Variants in PIK3C2G observed in about 807,000 individuals in gnomAD.
PIK3C2G encodes the protein phosphatidylinositol-4-phosphate 3-kinase catalytic subunit type 2 gamma.
Under a neutral mutation model 181.1 loss-of-function variants are expected in PIK3C2G, and 168 were observed. The observed-to-expected ratio is 0.93, with a 90% CI of 0.82 to 1.05. The LOEUF (loss-of-function observed/expected upper bound fraction) is 1.05. Among genes scored for constraint, PIK3C2G ranks in the 50% least tolerant of loss-of-function variants. PIK3C2G has a pLI of 0.00. For missense variants in PIK3C2G, 1,869 were observed against 1,732.8 expected, an observed-to-expected ratio of 1.08 and a Z score of -1.40; for synonymous variants, 573 against 592.2, an observed-to-expected ratio of 0.97 and a Z score of 0.47.
intron 19 of PIK3C2G, among the ~76,000 whole-genome samples, chr12:18,490,909 T>C (rs1940503113): frequency 6.6e-6 from 1 of 152,188 alleles, no homozygotes; most frequent in Admixed American, 6.5e-5. Flanking sequence ...AACAGAAATA[T>C]ACTCATTGAT....
At chr12:18,381,946 A>G in intron 14 of PIK3C2G, 66 bp downstream of exon 14, 1 of 938,990 alleles carries the variant, frequency 1.1e-6, no homozygotes, top group Non-Finnish European at 1.8e-6. Flanking sequence ...GTTTGTTGTC[A>G]ATTATAGAAA....
chr12:18,388,147 A>G (rs148003362), intron 14 of PIK3C2G, among the ~76,000 whole-genome samples: 2 of 152,026 alleles, frequency 1.3e-5, no homozygotes, highest in Admixed American at 6.5e-5. Context: ...AAACCACCAT[A>G]TGGATCCCTC....
the PIK3C2G span, chr12:18,693,638 G>C: frequency 6.4e-7 from 1 of 1,564,686 alleles, no homozygotes. Flanking sequence ...TGATGAAATT[G>C]ACGCCATTGG....
chr12:18,300,588 G>A (rs1385490621), intron 5 of PIK3C2G, among the ~76,000 whole-genome samples: 1 of 152,014 alleles, frequency 6.6e-6, no homozygotes, highest in Non-Finnish European at 1.5e-5. Context: ...TATCTTTTAA[G>A]TGGGTAATTT....
At chr12:18,255,603 A>G (rs1854755260) in intron 1 of PIK3C2G, among the ~76,000 whole-genome samples, 1 of 152,228 alleles carries the variant, frequency 6.6e-6, no homozygotes, top group African/African-American at 2.4e-5. Context: ...GAGAGCGCAC[A>G]GATAATTCTT....
chr12:18,517,943 G>A (rs1050400603), intron 24 of PIK3C2G, among the ~76,000 whole-genome samples: 1 of 152,062 alleles, frequency 6.6e-6, no homozygotes, highest in Non-Finnish European at 1.5e-5. Context: ...TAACATGAAG[G>A]GATGTTGAAT....
chr12:18,543,485 T>A (rs1311361194), intron 25 of PIK3C2G, among the ~76,000 whole-genome samples: 2 of 152,078 alleles, frequency 1.3e-5, no homozygotes, highest in Middle Eastern at 3.4e-3. Flanking sequence ...TCCAGGATGG[T>A]GTTGCCCAGG....
chr12:18,560,792 C>T (rs962702640), intron 26 of PIK3C2G, among the ~76,000 whole-genome samples: 5 of 151,768 alleles, frequency 3.3e-5, no homozygotes, highest in African/African-American at 7.3e-5. Context: ...ATTGAAAGGG[C>T]ACTATTTAAA....
At chr12:18,286,072 A>C (rs1329226307) in intron 2 of PIK3C2G, among the ~76,000 whole-genome samples, 1 of 152,020 alleles carries the variant, frequency 6.6e-6, no homozygotes, top group African/African-American at 2.4e-5. Context: ...GAGTACTATT[A>C]GAGAAAAAAG....
At chr12:18,648,547 A>T, downstream of PIK3C2G, 1 of 168,448 alleles carries the variant, frequency 5.9e-6, no homozygotes, top group Non-Finnish European at 1.3e-5. Context: ...AGAAAACCAA[A>T]ACATAAATCC....
At chr12:18,303,624 A>G (rs1306261694) in intron 5 of PIK3C2G, among the ~76,000 whole-genome samples, 1 of 152,148 alleles carries the variant, frequency 6.6e-6, no homozygotes, top group Non-Finnish European at 1.5e-5. Flanking sequence ...TGCCACACCC[A>G]GCCTAAGTAA....
At chr12:18,587,407 C>T (rs1184559328) in intron 29 of PIK3C2G, among the ~76,000 whole-genome samples, 1 of 151,972 alleles carries the variant, frequency 6.6e-6, no homozygotes, top group African/African-American at 2.4e-5. Flanking sequence ...TCCTATACAC[C>T]AACAAAGTCA....
intron 16 of PIK3C2G, among the ~76,000 whole-genome samples, chr12:18,402,693 G>C (rs61914537): frequency 6.6e-6 from 1 of 152,118 alleles, no homozygotes. Flanking sequence ...ATACTGCTCT[G>C]TTTACTCACT....
downstream of PIK3C2G, among the ~76,000 whole-genome samples, chr12:18,652,337 A>T (rs1245634704): frequency 6.6e-6 from 1 of 152,158 alleles, no homozygotes; most frequent in African/African-American, 2.4e-5. Flanking sequence ...AATGTCATAT[A>T]AACATGAAGG....
chr12:18,249,124 A>C (rs1007712447), intron 1 of PIK3C2G, among the ~76,000 whole-genome samples: 1 of 152,146 alleles, frequency 6.6e-6, no homozygotes, highest in Non-Finnish European at 1.5e-5. Flanking sequence ...ACGCTGTGCT[A>C]GAATATCTGT....
At chr12:18,501,606 G>T (rs748313924) in intron 22 of PIK3C2G, among the ~76,000 whole-genome samples, 3 of 152,298 alleles carry the variant, frequency 2.0e-5, no homozygotes, top group African/African-American at 2.4e-5. Context: ...TATGTACACA[G>T]AATTATGTTC....
At chr12:18,702,322 T>A in the PIK3C2G span, among the ~76,000 whole-genome samples, 1 of 152,254 alleles carries the variant, frequency 6.6e-6, no homozygotes, top group African/African-American at 2.4e-5. Flanking sequence ...TCCTTCAAAC[T>A]TAGAAGCATA....
At chr12:18,674,142 T>C in the PIK3C2G span, among the ~76,000 whole-genome samples, 1 of 152,160 alleles carries the variant, frequency 6.6e-6, no homozygotes, top group Non-Finnish European at 1.5e-5. Context: ...GAAAAGCATA[T>C]AGAAACACAT....
At chr12:18,297,499 C>A (rs147922356) in intron 5 of PIK3C2G, among the ~76,000 whole-genome samples, 4 of 152,034 alleles carry the variant, frequency 2.6e-5, no homozygotes, top group African/African-American at 4.8e-5. Context: ...TTTAGAATAT[C>A]CACCACCTAG....
Sources: allele counts gnomAD v4.1 joint callset (sites outside exome capture counted in the v4.1 genomes callset), GRCh38; gene constraint gnomAD v4.1.1; transcripts MANE v1.5; gene names NCBI Gene and HGNC (gene_info 2026-07-23, HGNC 2026-07-21).